Variants in PPP2R5E observed in about 807,000 individuals in gnomAD.
PPP2R5E encodes serine/threonine-protein phosphatase 2A 56 kDa regulatory subunit epsilon isoform.
A neutral mutation model predicts 65.3 loss-of-function variants in PPP2R5E; 4 were observed. The ratio of observed to expected loss-of-function variants is 0.06; its 90% CI spans 0.03 to 0.14. The LOEUF is 0.14. Among genes scored for constraint, PPP2R5E ranks in the 10% least tolerant of loss-of-function variants. The pLI is 1.00. For missense variants in PPP2R5E, 274 were observed against 556.1 expected, an observed-to-expected ratio of 0.49 and a Z score of 5.10; for synonymous variants, 183 against 187.4, an observed-to-expected ratio of 0.98 and a Z score of 0.19.
At chr14:63,466,502 C>T (rs552626923) in intron 2 of PPP2R5E, among the ~76,000 whole-genome samples, 10 of 152,266 alleles carry the variant, frequency 6.6e-5, no homozygotes, top group African/African-American at 2.4e-4. Flanking sequence ...ATGTAGTACA[C>T]AGGCATGTAG....
At chr14:63,379,906 C>A (rs1884232571) in intron 13 of PPP2R5E, among the ~76,000 whole-genome samples, 1 of 135,190 alleles carries the variant, frequency 7.4e-6, no homozygotes, top group African/African-American at 3.0e-5. Flanking sequence ...ATGATCTTAG[C>A]TCACTGCAAC....
intron 2 of PPP2R5E, among the ~76,000 whole-genome samples, chr14:63,533,422 A>G (rs1026362201): frequency 9.2e-5 from 14 of 151,782 alleles, no homozygotes; most frequent in Non-Finnish European, 1.6e-4. Flanking sequence ...TTAGCCGGGC[A>G]TGGAGGCGCA....
At chr14:63,435,382 C>T (rs190201888) in intron 3 of PPP2R5E, among the ~76,000 whole-genome samples, 9 of 151,938 alleles carry the variant, frequency 5.9e-5, no homozygotes, top group Non-Finnish European at 7.4e-5. Flanking sequence ...AGAAAAAAAA[C>T]GGAAGATGGT....
intron 2 of PPP2R5E, among the ~76,000 whole-genome samples, chr14:63,495,855 T>C (rs1891532658): frequency 6.6e-6 from 1 of 151,778 alleles, no homozygotes; most frequent in South Asian, 2.1e-4. Flanking sequence ...CTTGCCCAGC[T>C]AGTTTCTTTG....
At chr14:63,399,353 T>C (rs997402555) in intron 5 of PPP2R5E, among the ~76,000 whole-genome samples, 3 of 143,078 alleles carry the variant, frequency 2.1e-5, no homozygotes, top group Non-Finnish European at 3.0e-5. Context: ...TACTAATAGG[T>C]CTGGATTTCT....
At chr14:63,494,421 G>A (rs1046013329) in intron 2 of PPP2R5E, among the ~76,000 whole-genome samples, 6 of 151,924 alleles carry the variant, frequency 3.9e-5, no homozygotes, top group Non-Finnish European at 5.9e-5. Flanking sequence ...TTTTAGTAGA[G>A]ACAGAGTCTT....
At chr14:63,482,230 T>A (rs1890738814) in intron 2 of PPP2R5E, among the ~76,000 whole-genome samples, 1 of 152,150 alleles carries the variant, frequency 6.6e-6, no homozygotes, top group Admixed American at 6.6e-5. Flanking sequence ...TTTGAGAGGC[T>A]GAGGTGGGCA....
intron 2 of PPP2R5E, among the ~76,000 whole-genome samples, chr14:63,495,524 T>C (rs549068425): frequency 6.6e-6 from 1 of 151,568 alleles, no homozygotes; most frequent in East Asian, 1.9e-4. Context: ...GAGGTTGCAG[T>C]GAGCTGAAAT....
At chr14:63,488,326 T>A (rs1332519670) in intron 2 of PPP2R5E, among the ~76,000 whole-genome samples, 4 of 151,890 alleles carry the variant, frequency 2.6e-5, no homozygotes, top group Admixed American at 2.0e-4. Context: ...GCCTCCCAAA[T>A]AGCTAAGACT....
At chr14:63,390,338 T>C (rs1297608812) in intron 10 of PPP2R5E, among the ~76,000 whole-genome samples, 1 of 137,834 alleles carries the variant, frequency 7.3e-6, no homozygotes, top group African/African-American at 3.3e-5. Flanking sequence ...ACACACACGC[T>C]TGCTCTCTAC....
intron 2 of PPP2R5E, among the ~76,000 whole-genome samples, chr14:63,455,263 A>C (rs917167635): frequency 6.6e-6 from 1 of 152,104 alleles, no homozygotes; most frequent in African/African-American, 2.4e-5. Context: ...CACAACCCAA[A>C]TGCCAGCATA....
At chr14:63,519,964 C>A (rs1373070251) in intron 2 of PPP2R5E, among the ~76,000 whole-genome samples, 1 of 144,672 alleles carries the variant, frequency 6.9e-6, no homozygotes, top group Non-Finnish European at 1.5e-5. Context: ...CTAGCTCCTA[C>A]GGACAAACTC....
intron 2 of PPP2R5E, among the ~76,000 whole-genome samples, chr14:63,525,057 G>C (rs1366067999): frequency 6.6e-6 from 1 of 152,174 alleles, no homozygotes; most frequent in Non-Finnish European, 1.5e-5. Flanking sequence ...GCACGAGTGG[G>C]CAAGTTACTT....
rs566668512 is a variant in PPP2R5E at position 63,375,760 on chromosome 14, T to A, written c.*249A>T. ...ATCTTTGAAGACCGATTTTTTTTTT[T>A]AAAAGAGGGTGAGAACAATGATTAT... On this transcript the variant is annotated 3_prime_UTR_variant, in exon 14 of 14. Transcript: ENST00000337537. 1.6e-3 allele frequency: 425 copies of A among 262,808 alleles called. 2 individuals are homozygous for A. Among genetic ancestry groups the A allele is most frequent in the Non-Finnish European group, 2.3e-3 (334 of 143,176 alleles). The allele number at this position is 262,808 out of a possible 1,614,324, so 16.3% of individuals were successfully genotyped here.
rs1409355668 is a variant in PPP2R5E at position 63,372,258 on chromosome 14, T to G, written c.*3751A>C. ...CCGCTAGATCACAATTTGCTCAACT[T>G]TCTCTCAAGATGCACAATCCTTCTT... On this transcript the variant is annotated 3_prime_UTR_variant, in exon 14 of 14. Coordinates refer to ENST00000337537, the MANE Select transcript of PPP2R5E (RefSeq NM_006246.5). 1 of 152,158 alleles carries G rather than the reference T, an allele frequency of 6.6e-6. No homozygotes were observed. The highest frequency in any genetic ancestry group is 1.5e-5 in the Non-Finnish European group (1 of 68,022). The allele number at this position is 152,158 out of a possible 1,614,324, so 9.4% of individuals were successfully genotyped here. A position where few individuals can be genotyped will look rare whatever the true frequency, so the allele number is the denominator to read the frequency against.
intron 2 of PPP2R5E, among the ~76,000 whole-genome samples, chr14:63,519,220 A>G (rs1336406981): frequency 6.6e-6 from 1 of 152,252 alleles, no homozygotes; most frequent in African/African-American, 2.4e-5. Context: ...GTCTCAAAAA[A>G]AAAGAAAAAA....
At chr14:63,471,613 T>G (rs887337273) in intron 2 of PPP2R5E, among the ~76,000 whole-genome samples, 1 of 152,206 alleles carries the variant, frequency 6.6e-6, no homozygotes, top group Admixed American at 6.5e-5. Context: ...CTTTCTACAA[T>G]GCTGTGAGGT....
intron 10 of PPP2R5E, among the ~76,000 whole-genome samples, chr14:63,389,932 G>A (rs10142991): frequency 0.15 from 22,902 of 151,892 alleles, 2,433 homozygotes; most frequent in East Asian, 0.48. Flanking sequence ...AAAATTCTAC[G>A]TACTTGGAAA....
intron 2 of PPP2R5E, among the ~76,000 whole-genome samples, chr14:63,520,886 A>AAAAAAAAG (rs1566759558): frequency 2.8e-5 from 4 of 142,926 alleles, no homozygotes; most frequent in African/African-American, 1.2e-4. Context: ...AAAAAAAAAA[A>AAAAAAAAG]CAATTAGCCG....
Sources: gnomAD v4.1 joint callset for allele counts (sites outside exome capture counted in the v4.1 genomes callset) on GRCh38, gnomAD v4.1.1 for gene constraint, MANE v1.5 for transcripts, NCBI Gene and HGNC (gene_info 2026-07-23, HGNC 2026-07-21) for gene names.